TOMM6: variants seen among roughly 807,000 people sequenced by gnomAD.
TOMM6 encodes mitochondrial import receptor subunit TOM6 homolog.
TOMM6 carries 6 observed loss-of-function variants against 6.0 expected under a neutral mutation model. The ratio of observed to expected loss-of-function variants is 1.00; its 90% CI spans 0.55 to 1.98. TOMM6 has a LOEUF of 1.98. Ranked by LOEUF, TOMM6 falls within the 30% of genes most tolerant of loss-of-function variation. The pLI is 0.00. For missense variants in TOMM6, 104 were observed against 95.3 expected, an observed-to-expected ratio of 1.09 and a Z score of -0.38; for synonymous variants, 44 against 36.3, an observed-to-expected ratio of 1.21 and a Z score of -0.76.
At position 41,787,710 on chromosome 6, in the gene TOMM6, A is replaced by G; in HGVS notation, c.13A>G (p.Thr5Ala). MASS[T>A]VPVSAAGSAN... ...GAAGCTTTCCACTATGGCTTCCAGC[A>G]CTGTCCCGGTGAGCGCTGCTGGCTC... Residue 5 changes from threonine to alanine, a missense_variant, in exon 1 of 3, where the codon ACT becomes GCT. By Grantham distance (58) the Thr-to-Ala change is moderately conservative. Transcript: ENST00000398881. The G allele has an allele frequency of 6.4e-7, 1 of 1,551,584 alleles. No homozygotes were observed. The highest frequency in any genetic ancestry group is 8.7e-7 in the Non-Finnish European group (1 of 1,146,950).
At position 41,787,806 on chromosome 6, in the gene TOMM6, G is replaced by C; in HGVS notation, c.109G>C (p.Asp37His). Reference protein sequence around the residue: ...WLRGVYRFATDRNDFRRNLIL... With the variant: ...WLRGVYRFATHRNDFRRNLIL... ...TCGGGGCGTCTACCGCTTTGCCACT[G>C]ATAGGAATGACTTCCGGAGGTAACC... The change falls in exon 1 of 3, where the codon GAT (aspartate) becomes CAT (histidine). Residue 37 changes from aspartate (D) to histidine (H), a missense_variant. By Grantham distance (81) the Asp-to-His change is moderately conservative. Coordinates refer to ENST00000398881, the MANE Select transcript of TOMM6 (RefSeq NM_001382294.1). The C allele has an allele frequency of 6.4e-7, 1 of 1,551,768 alleles. No individual in the cohort carries two copies. The highest frequency in any genetic ancestry group is 8.7e-7 in the Non-Finnish European group (1 of 1,146,992).
In TOMM6 at chr6:41,789,442, A is replaced by G. The variant is rs543431799; in HGVS notation, c.*8+106A>G. ...AAATGTACAAAAGAATGTGATGTAA[A>G]ACCCTTAACTATTCCTAGTTAAATG... On this transcript the variant is annotated intron_variant, in intron 2 of 2. Transcript: ENST00000398881. The G allele has an allele frequency of 4.2e-5, 36 of 849,786 alleles. No individual in the cohort carries two copies. In the African/African-American group the frequency reaches 5.9e-4, roughly 14 times the overall value. The allele number at this position is 849,786 out of a possible 1,614,324, so 52.6% of individuals were successfully genotyped here.
At position 41,787,762 on chromosome 6, in the gene TOMM6, A is replaced by T; in HGVS notation, c.65A>T (p.Asp22Val). The T allele has an allele frequency of 1.3e-6, 2 of 1,551,706 alleles. No homozygotes were observed. The highest frequency in any genetic ancestry group is 1.7e-6 in the Non-Finnish European group (2 of 1,146,996). The stretch of plus-strand genomic sequence containing the variant: ...GCTAATGAAACTCCCGAAATACCGG[A>T]CAACGTGGGAGATTGGCTTCGGGGC... ...GSANETPEIP[D>V]NVGDWLRGVY... Residue 22 changes from aspartate to valine, a missense_variant, in exon 1 of 3, where the codon GAC becomes GTC. Coordinates refer to ENST00000398881, the MANE Select transcript of TOMM6 (RefSeq NM_001382294.1).
chr6:41,788,443 CTTTTTTTTTTTTTTTTT>C (rs70987535), intron 1 of TOMM6, among the ~76,000 whole-genome samples: 1 of 38,294 alleles, frequency 2.6e-5, no homozygotes, highest in Non-Finnish European at 4.8e-5. Context: ...CACGCCCGGC[CTTTTTTTTTTTTTTTTT>C]TTTTTTTTTT....
chr6:41,789,265 G>C lies in TOMM6; in HGVS notation c.162G>C (p.Ala54=), dbSNP rs967350045. Residue 54 remains alanine (A), a synonymous_variant, in exon 2 of 3, where the codon GCG becomes GCC. Transcript: ENST00000398881. ...TACTAAATTTGGGACTCTTTGCTGC[G>C]GGAGTTTGGCTGGCCAGGAACTTGA... ...NLILNLGLFA[A]GVWLARNLSD... 3.8e-5 allele frequency: 59 copies of C among 1,551,262 alleles called. No individual in the cohort carries two copies. Among genetic ancestry groups the C allele is most frequent in the Non-Finnish European group, 4.3e-5 (49 of 1,146,984 alleles).
intron 1 of TOMM6, among the ~76,000 whole-genome samples, 188 bp downstream of exon 1, chr6:41,788,013 ATCTT>A (rs952993517): frequency 2.0e-5 from 3 of 152,180 alleles, no homozygotes; most frequent in Admixed American, 6.5e-5. Context: ...GGCAAAAGCG[ATCTT>A]TCTGTCATGT....
chr6:41,787,837 C>A lies in TOMM6; in HGVS notation c.128+12C>A. The A allele has an allele frequency of 6.4e-7, 1 of 1,551,596 alleles. No homozygotes were observed. Among genetic ancestry groups the A allele is most frequent in the Non-Finnish European group, 8.7e-7 (1 of 1,146,886 alleles). On this transcript the variant is annotated intron_variant, in intron 1 of 2. Transcript: ENST00000398881. ...AATGACTTCCGGAGGTAACCGAGCC[C>A]GAGGAACTTGGTCCTTTTCTGGCCC... is the stretch of plus-strand genomic sequence containing the variant.
intron 2 of TOMM6, 90 bp downstream of exon 2, chr6:41,789,426 A>G (rs1348183855): frequency 8.2e-6 from 8 of 981,446 alleles, no homozygotes; most frequent in African/African-American, 1.6e-5. Context: ...GAAATGTACA[A>G]AAGAATGTGA....
At chr6:41,788,952 G>A (rs922137992) in intron 1 of TOMM6, among the ~76,000 whole-genome samples, 5 of 151,464 alleles carry the variant, frequency 3.3e-5, no homozygotes, top group African/African-American at 1.2e-4. Flanking sequence ...CACCATGTTG[G>A]CCAGGCTGGT....
At chr6:41,789,200 C>T (rs754776637) in intron 1 of TOMM6, 32 bp from the exon 2 acceptor site, 1 of 1,537,732 alleles carries the variant, frequency 6.5e-7, no homozygotes, top group South Asian at 1.2e-5. Flanking sequence ...ACTCAGTGAC[C>T]ACAGGGTTAA....
At position 41,789,264 on chromosome 6, in the gene TOMM6, CG is replaced by C; in HGVS notation, c.164del (p.Gly55GlufsTer8). The C allele has an allele frequency of 6.4e-7, 1 of 1,551,274 alleles. No homozygotes were observed. The highest frequency in any genetic ancestry group is 8.7e-7 in the Non-Finnish European group (1 of 1,146,940). The part of the protein sequence containing the change: ...NLILNLGLFA[A>X]GVWLARNLSD... Reference sequence around the variant, plus strand: ...ATACTAAATTTGGGACTCTTTGCTGCGGGAGTTTGGCTGGCCAGGAACTTGA... The same window carrying C: ...ATACTAAATTTGGGACTCTTTGCTGCGGAGTTTGGCTGGCCAGGAACTTGA... On this transcript the variant is annotated frameshift_variant, in exon 2 of 3. Transcript: ENST00000398881. LOFTEE classifies it high-confidence loss of function.
In TOMM6 at chr6:41,787,860, C is replaced by A. The variant is rs900493706; in HGVS notation, c.128+35C>A. 5.8e-6 allele frequency: 9 copies of A among 1,547,670 alleles called. No individual in the cohort carries two copies. The African/African-American group carries it at 1.2e-4, about 21-fold the overall frequency. On this transcript the variant is annotated intron_variant, in intron 1 of 2. Coordinates refer to ENST00000398881, the MANE Select transcript of TOMM6 (RefSeq NM_001382294.1). ...CCCGAGGAACTTGGTCCTTTTCTGGCCCTTAAATCCGTATTTCCCCTTTCT... is the reference window on the plus strand; with the variant it reads ...CCCGAGGAACTTGGTCCTTTTCTGGACCTTAAATCCGTATTTCCCCTTTCT...
At chr6:41,788,156 TTTTTTTG>T (rs1772715871) in intron 1 of TOMM6, among the ~76,000 whole-genome samples, 1 of 150,424 alleles carries the variant, frequency 6.6e-6, no homozygotes, top group Non-Finnish European at 1.5e-5. Context: ...GTTTTTTTTT[TTTTTTTG>T]AGACGGAGTC....
Position 41,787,831 on chromosome 6 carries a change from C to A in TOMM6, c.128+6C>A, listed in dbSNP as rs564896570. 2 of 1,551,644 alleles carry A rather than the reference C, an allele frequency of 1.3e-6. No homozygotes were observed. The highest frequency in any genetic ancestry group is 1.7e-4 in the Middle Eastern group (1 of 5,992). On this transcript the variant is annotated splice_donor_region_variant and intron_variant, in intron 1 of 2. Transcript: ENST00000398881. Reference sequence around the variant, plus strand: ...GATAGGAATGACTTCCGGAGGTAACCGAGCCCGAGGAACTTGGTCCTTTTC... The same window carrying A: ...GATAGGAATGACTTCCGGAGGTAACAGAGCCCGAGGAACTTGGTCCTTTTC...
chr6:41,789,406 A>C (rs554835966), intron 2 of TOMM6, 70 bp downstream of exon 2: 4 of 1,122,090 alleles, frequency 3.6e-6, no homozygotes, highest in Non-Finnish European at 5.3e-6. Flanking sequence ...GTTTTCTGTC[A>C]AGTATTCATG....
Position 41,789,390 on chromosome 6 carries a change from A to G in TOMM6, c.*8+54A>G, listed in dbSNP as rs1772753087. The G allele has an allele frequency of 6.2e-6, 8 of 1,282,228 alleles. No individual in the cohort carries two copies. Among genetic ancestry groups the G allele is most frequent in the Non-Finnish European group, 8.9e-6 (8 of 902,138 alleles). The allele number at this position is 1,282,228 out of a possible 1,614,324, so 79.4% of individuals were successfully genotyped here. A position where few individuals can be genotyped will look rare whatever the true frequency, so the allele number is the denominator to read the frequency against. On this transcript the variant is annotated intron_variant, in intron 2 of 2. Transcript: ENST00000398881. ...CTTAGGAGACCTAGAGACTGGGTGA[A>G]GCAATGTTTTCTGTCAAGTATTCAT...
Position 41,789,347 on chromosome 6 carries a change from A to AACT in TOMM6, c.*8+14_*8+16dup. On this transcript the variant is annotated intron_variant, in intron 2 of 2. Transcript: ENST00000398881. Reference sequence around the variant, plus strand: ...GGTGTAGCCAAGTAGGTAAGCACTGAACTACACCCATGCGTGTCTTAGGAG... The same window carrying AACT: ...GGTGTAGCCAAGTAGGTAAGCACTGAACTACTACACCCATGCGTGTCTTAGGAG... The AACT allele has an allele frequency of 6.5e-7, 1 of 1,537,434 alleles. No individual in the cohort carries two copies. The highest frequency in any genetic ancestry group is 1.2e-5 in the South Asian group (1 of 83,786).
intron 2 of TOMM6, 72 bp downstream of exon 2, chr6:41,789,408 G>C: frequency 9.0e-7 from 1 of 1,106,176 alleles, no homozygotes; most frequent in Non-Finnish European, 1.3e-6. Context: ...TTTCTGTCAA[G>C]TATTCATGAA....
Position 41,789,383 on chromosome 6 carries a change from T to C in TOMM6, c.*8+47T>C, listed in dbSNP as rs1488290305. 4.6e-5 allele frequency: 62 copies of C among 1,336,624 alleles called. No individual in the cohort carries two copies. The East Asian group carries it at 1.6e-3, about 34-fold the overall frequency. 82.8% of individuals were successfully genotyped at this position (1,336,624 alleles called of 1,614,324 possible). A position where few individuals can be genotyped will look rare whatever the true frequency, so the allele number is the denominator to read the frequency against. On this transcript the variant is annotated intron_variant, in intron 2 of 2. Coordinates refer to ENST00000398881, the MANE Select transcript of TOMM6 (RefSeq NM_001382294.1). ...TGCGTGTCTTAGGAGACCTAGAGAC[T>C]GGGTGAAGCAATGTTTTCTGTCAAG...
Sources: gnomAD v4.1 joint callset for allele counts (sites outside exome capture counted in the v4.1 genomes callset) on GRCh38, gnomAD v4.1.1 for gene constraint, MANE v1.5 for transcripts, NCBI Gene and HGNC (gene_info 2026-07-23, HGNC 2026-07-21) for gene names.